Variants in GPATCH2L observed in about 807,000 individuals in gnomAD.
GPATCH2L encodes the protein G-patch domain containing 2 like.
A neutral mutation model predicts 57.4 loss-of-function variants in GPATCH2L; 31 were observed. That is an observed-to-expected ratio of 0.54 (90% CI 0.41 to 0.73). The LOEUF (loss-of-function observed/expected upper bound fraction) is 0.73. GPATCH2L is among the 30% of genes least tolerant of loss of function. GPATCH2L has a pLI of 0.00. For synonymous variants in GPATCH2L, 199 were observed against 210.7 expected (o/e 0.94, Z 0.48); for missense variants, 481 against 599.9 (o/e 0.80, Z 2.07).
At chr14:76,221,149 C>G (rs2040513397) in intron 1 of GPATCH2L, among the ~76,000 whole-genome samples, 1 of 149,122 alleles carries the variant, frequency 6.7e-6, no homozygotes, top group Non-Finnish European at 1.5e-5. Flanking sequence ...GTAAAAAGAA[C>G]TCTTAAAACT....
chr14:76,234,541 T>C (rs1258509894), intron 2 of GPATCH2L: 1 of 152,220 alleles, frequency 6.6e-6, no homozygotes, highest in Non-Finnish European at 1.5e-5. Context: ...TTCCATGAAA[T>C]AAATGGCCAT....
intron 6 of GPATCH2L, among the ~76,000 whole-genome samples, chr14:76,176,993 A>G (rs1307243654): frequency 6.6e-6 from 1 of 151,278 alleles, no homozygotes; most frequent in Non-Finnish European, 1.5e-5. Context: ...TCCAAAATGG[A>G]TGATTGCCTC....
intron 8 of GPATCH2L, among the ~76,000 whole-genome samples, chr14:76,192,539 A>G (rs947605013): frequency 1.3e-5 from 2 of 152,126 alleles, no homozygotes; most frequent in Admixed American, 1.3e-4. Context: ...CCTTCTCTTC[A>G]TTGATACCCT....
At chr14:76,232,021 C>CA (rs1555385029) in intron 2 of GPATCH2L, among the ~76,000 whole-genome samples, 98 of 150,936 alleles carry the variant, frequency 6.5e-4, no homozygotes, top group South Asian at 1.1e-3. Context: ...AAGCAATCTT[C>CA]CTGCTTCAGC....
chr14:76,235,297 A>G (rs2040593862), intron 2 of GPATCH2L, among the ~76,000 whole-genome samples: 1 of 152,164 alleles, frequency 6.6e-6, no homozygotes, highest in Non-Finnish European at 1.5e-5. Flanking sequence ...AATACTTTCC[A>G]CATGTTAAGG....
chr14:76,175,010 C>T (rs982497216), intron 5 of GPATCH2L: 2 of 152,184 alleles, frequency 1.3e-5, no homozygotes, highest in African/African-American at 2.4e-5. Flanking sequence ...ATTTTACAGA[C>T]AAAACGCTGC....
At chr14:76,162,520 A>G (rs78506078) in intron 2 of GPATCH2L, among the ~76,000 whole-genome samples, 399 of 152,300 alleles carry the variant, frequency 2.6e-3, no homozygotes, top group African/African-American at 9.2e-3. Context: ...GTGTGCATTA[A>G]TAGGAGGCTG....
chr14:76,155,569 A>G (rs967593829), intron 2 of GPATCH2L, among the ~76,000 whole-genome samples: 4 of 152,210 alleles, frequency 2.6e-5, no homozygotes, highest in African/African-American at 9.7e-5. Context: ...GTCTGAACAC[A>G]TGGTGGGCTT....
At chr14:76,200,637 A>G (rs1368989824) in intron 9 of GPATCH2L, among the ~76,000 whole-genome samples, 1 of 152,212 alleles carries the variant, frequency 6.6e-6, no homozygotes, top group Non-Finnish European at 1.5e-5. Flanking sequence ...GCCCACAATA[A>G]GAAATTCATG....
chr14:76,152,456 G>A (rs1266570877), intron 1 of GPATCH2L: 1 of 314,966 alleles, frequency 3.2e-6, no homozygotes, highest in African/African-American at 2.2e-5. Flanking sequence ...ATGAGCAGTT[G>A]CCTCCTGCCT....
downstream of GPATCH2L, among the ~76,000 whole-genome samples, chr14:76,215,991 T>C (rs942284917): frequency 5.3e-5 from 8 of 152,078 alleles, no homozygotes; most frequent in Non-Finnish European, 1.2e-4. Context: ...AAGCCATCTT[T>C]TACCTTGAAG....
intron 8 of GPATCH2L, among the ~76,000 whole-genome samples, chr14:76,194,070 TA>T (rs2040069584): frequency 6.6e-6 from 1 of 152,136 alleles, no homozygotes. Flanking sequence ...CAAAGGGAAT[TA>T]CCACCACTCC....
rs754589263 is a variant in GPATCH2L, at chr14:76,154,668, C to T, written c.305C>T (p.Ala102Val). The T allele has an allele frequency of 1.2e-6, 2 of 1,614,202 alleles. No homozygotes were observed. The highest frequency in any genetic ancestry group is 1.7e-6 in the Non-Finnish European group (2 of 1,180,026). The change falls in exon 2 of 10, where the codon GCC (alanine) becomes GTC (valine). Residue 102 changes from alanine (A) to valine (V), a missense_variant. Coordinates refer to ENST00000261530, the MANE Select transcript of GPATCH2L (RefSeq NM_017926.4). The surrounding 1 kb of genome is among the most constrained non-coding windows in gnomAD (Gnocchi z 4.4). The part of the protein sequence containing the change: ...MVAKRHPALN[A>V]IVKSKQHSWH... ...GCCAAACGACACCCAGCTCTCAATG[C>T]CATTGTCAAGAGTAAGCAACATTCT...
chr14:76,200,105 G>A (rs753044586), intron 9 of GPATCH2L, among the ~76,000 whole-genome samples: 10 of 152,154 alleles, frequency 6.6e-5, no homozygotes, highest in Non-Finnish European at 1.3e-4. Context: ...ACTTTTATAA[G>A]CTACTAGAAT....
At chr14:76,223,454 C>T (rs74371991) in intron 1 of GPATCH2L, among the ~76,000 whole-genome samples, 3,374 of 152,204 alleles carry the variant, frequency 0.022, 76 homozygotes, top group South Asian at 0.078. Context: ...AAGACCTACA[C>T]ATAAGGGCTA....
intron 1 of GPATCH2L, chr14:76,152,546 C>A: frequency 2.4e-6 from 1 of 412,284 alleles, no homozygotes; most frequent in South Asian, 1.7e-5. Flanking sequence ...CTACCCGTTC[C>A]TTCCTGTGCG....
At chr14:76,226,470 G>A (rs956521317) in intron 1 of GPATCH2L, among the ~76,000 whole-genome samples, 1 of 152,188 alleles carries the variant, frequency 6.6e-6, no homozygotes, top group Non-Finnish European at 1.5e-5. Flanking sequence ...GAGAAAAAGG[G>A]CCTGTGGAAA....
Position 76,201,941 on chromosome 14 carries a change from A to T in GPATCH2L, c.*90A>T. 2 of 1,091,542 alleles carry T rather than the reference A, an allele frequency of 1.8e-6. No individual in the cohort carries two copies. The allele number at this position is 1,091,542 out of a possible 1,614,324, so 67.6% of individuals were successfully genotyped here. Reference sequence around the variant, plus strand: ...TAGATAGTCTTGCATATCTTAATCGACATTCCCAGTCCTTTCACCACCAGA... The same window carrying T: ...TAGATAGTCTTGCATATCTTAATCGTCATTCCCAGTCCTTTCACCACCAGA... On this transcript the variant is annotated 3_prime_UTR_variant, in exon 10 of 10. Transcript: ENST00000261530.
chr14:76,168,121 A>C (rs56744764), intron 3 of GPATCH2L, among the ~76,000 whole-genome samples: 4,490 of 152,276 alleles, frequency 0.029, 101 homozygotes, highest in East Asian at 0.13. Context: ...AGCGTTCTCA[A>C]CGTAAAGCTA....
Sources: gnomAD v4.1 joint callset for allele counts (sites outside exome capture counted in the v4.1 genomes callset) on GRCh38, gnomAD v4.1.1 for gene constraint, Gnocchi (gnomAD v3.1) non-coding constraint, MANE v1.5 for transcripts, NCBI Gene and HGNC (gene_info 2026-07-23, HGNC 2026-07-21) for gene names.